The following VAC14 variants were observed in gnomAD, a reference collection of about 807,000 sequenced individuals.
The protein encoded by VAC14 is VAC14 component of PIKFYVE complex.
A neutral mutation model predicts 85.3 loss-of-function variants in VAC14; 47 were observed. The observed-to-expected ratio is 0.55, with a 90% CI of 0.44 to 0.70. The LOEUF (loss-of-function observed/expected upper bound fraction) is 0.70. VAC14 is among the 30% of genes least tolerant of loss of function. The pLI is 0.00. For missense variants in VAC14, 861 were observed against 1,004.3 expected (o/e 0.86, Z 1.93); for synonymous variants, 447 against 430.5 (o/e 1.04, Z -0.47).
At chr16:70,713,699 CTTTGTT>C (rs1262106270) in intron 14 of VAC14, among the ~76,000 whole-genome samples, 2 of 140,676 alleles carry the variant, frequency 1.4e-5, no homozygotes, top group East Asian at 3.9e-4. Context: ...TCAGGAGCAT[CTTTGTT>C]TTTGTTTTTT....
At chr16:70,784,065 G>A (rs2033937264) in intron 5 of VAC14, 48 bp downstream of exon 5, 9 of 1,545,238 alleles carry the variant, frequency 5.8e-6, no homozygotes, top group African/African-American at 2.7e-5. Flanking sequence ...CTAGAGAGCA[G>A]ATTTTCCAAA....
chr16:70,720,671 G>C (rs1161873650), intron 14 of VAC14, among the ~76,000 whole-genome samples: 1 of 152,220 alleles, frequency 6.6e-6, no homozygotes, highest in Non-Finnish European at 1.5e-5. Context: ...GAGGACACAG[G>C]TTTACTGATG....
chr16:70,765,832 A>C, intron 10 of VAC14, among the ~76,000 whole-genome samples: 1 of 152,082 alleles, frequency 6.6e-6, no homozygotes, highest in Admixed American at 6.5e-5. Flanking sequence ...CACATTTTTC[A>C]GTGTAATTTT....
intron 5 of VAC14, 28 bp downstream of exon 5, chr16:70,784,085 G>T: frequency 6.3e-7 from 1 of 1,597,512 alleles, no homozygotes; most frequent in Non-Finnish European, 8.6e-7. Context: ...ACTGGAGGCT[G>T]GAGAAACGGT....
chr16:70,722,794 TACTG>T (rs2054327600), intron 14 of VAC14, among the ~76,000 whole-genome samples: 1 of 152,158 alleles, frequency 6.6e-6, no homozygotes, highest in Non-Finnish European at 1.5e-5. Flanking sequence ...TTTTTAATGA[TACTG>T]ACTGACTGCG....
chr16:70,712,785 T>A (rs184783846), intron 14 of VAC14, among the ~76,000 whole-genome samples: 3 of 152,354 alleles, frequency 2.0e-5, no homozygotes, highest in Admixed American at 6.5e-5. Flanking sequence ...TCAGTTTTTA[T>A]TGTATGTGGT....
chr16:70,688,069 G>T lies in VAC14; in HGVS notation c.2208C>A (p.Pro736=). The T allele has an allele frequency of 6.3e-7, 1 of 1,592,030 alleles. No homozygotes were observed. Among genetic ancestry groups the T allele is most frequent in the Non-Finnish European group, 8.6e-7 (1 of 1,166,900 alleles). ...LQTEDSLKAA[P]KSQKADSPSI... is the part of the protein sequence containing the mutation. ...TAGGGGAGTCAGCTTTCTGGGACTT[G>T]GGGGCTGCCTTTAGACTGTCTCTGG... Residue 736 remains proline, a synonymous_variant, in exon 19 of 19, where the codon CCC becomes CCA. Coordinates refer to ENST00000261776, the MANE Select transcript of VAC14 (RefSeq NM_018052.5).
chr16:70,766,826 G>C (rs1362861003), intron 10 of VAC14, among the ~76,000 whole-genome samples: 3 of 152,114 alleles, frequency 2.0e-5, no homozygotes. Flanking sequence ...GGGCAGGGTT[G>C]GCTGCTGCTG....
At chr16:70,785,430 G>C (rs191610622) in intron 3 of VAC14, among the ~76,000 whole-genome samples, 17 of 152,366 alleles carry the variant, frequency 1.1e-4, no homozygotes, top group Admixed American at 1.1e-3. Flanking sequence ...AGGGAGGCGA[G>C]TGTTTCACAG....
At chr16:70,763,783 C>T (rs562493496) in intron 10 of VAC14, among the ~76,000 whole-genome samples, 3 of 152,190 alleles carry the variant, frequency 2.0e-5, no homozygotes, top group Non-Finnish European at 2.9e-5. Context: ...TGAAGTCCTG[C>T]GGGTCCCCAA....
In VAC14 at chr16:70,744,407, T is replaced by G; in HGVS notation, c.1528+16A>C. The G allele has an allele frequency of 6.2e-7, 1 of 1,613,856 alleles. No individual in the cohort carries two copies. Among genetic ancestry groups the G allele is most frequent in the Middle Eastern group, 1.7e-4 (1 of 6,054 alleles). On this transcript the variant is annotated intron_variant, in intron 13 of 18. Coordinates refer to ENST00000261776, the MANE Select transcript of VAC14 (RefSeq NM_018052.5). ...ACTAAGGCCCCTGAGGCTAGAACCT[T>G]CAGGAGAAGACTTACCAGAGGTGTT...
In VAC14 at chr16:70,714,711, T is replaced by C. The variant is rs117042398; in HGVS notation, c.1662-15900A>G. ...TGCGGTGTCGAGATGGTTTTAAACT[T>C]AGTCCAGATTATCTGCTTAAACTGC... On this transcript the variant is annotated intron_variant, in intron 14 of 18. Coordinates refer to ENST00000261776, the MANE Select transcript of VAC14 (RefSeq NM_018052.5). The C allele has an allele frequency of 6.3e-3, 956 of 152,364 alleles. 5 individuals carry two copies. The highest frequency in any genetic ancestry group is 0.01 in the Non-Finnish European group (707 of 68,044). The allele number at this position is 152,364 out of a possible 1,614,324, so 9.4% of individuals were successfully genotyped here. A position where few individuals can be genotyped will look rare whatever the true frequency, so the allele number is the denominator to read the frequency against.
At chr16:70,781,790 A>C in intron 8 of VAC14, 79 bp downstream of exon 8, 4 of 1,553,952 alleles carry the variant, frequency 2.6e-6, no homozygotes, top group Non-Finnish European at 3.5e-6. Context: ...GAGAGCCCCC[A>C]GCCCCCAGTG....
intron 12 of VAC14, among the ~76,000 whole-genome samples, chr16:70,745,258 G>A (rs1597923999): frequency 6.6e-6 from 1 of 152,330 alleles, no homozygotes; most frequent in East Asian, 1.9e-4. Context: ...GAGGCAGAGT[G>A]GGGCGTGGGA....
At position 70,786,271 on chromosome 16, in the gene VAC14, G is replaced by C. The variant is rs897045547; in HGVS notation, c.199C>G (p.His67Asp). 6.2e-7 allele frequency: 1 copy of C among 1,614,248 alleles called. No individual in the cohort carries two copies. The highest frequency in any genetic ancestry group is 8.5e-7 in the Non-Finnish European group (1 of 1,180,044). Residue 67 changes from histidine to aspartate, a missense_variant, in exon 2 of 19, where the codon CAC becomes GAC. His to Asp is a moderately conservative substitution (Grantham distance 81). Transcript: ENST00000261776. ...SQEFALSQHP[H>D]SRKGGLIGLA... Reference sequence around the variant, plus strand: ...CCGATGAGGCCCCCTTTCCGGCTGTGGGGGTGCTGAGACAGGGCAAACTCC... The same window carrying C: ...CCGATGAGGCCCCCTTTCCGGCTGTCGGGGTGCTGAGACAGGGCAAACTCC...
At chr16:70,793,638 C>A (rs931713923) in intron 1 of VAC14, among the ~76,000 whole-genome samples, 4 of 152,190 alleles carry the variant, frequency 2.6e-5, no homozygotes, top group Non-Finnish European at 4.4e-5. Flanking sequence ...TATGTCCCAA[C>A]CTCTGTCCTA....
chr16:70,692,874 C>G lies in VAC14; in HGVS notation c.2133G>C (p.Gln711His). Residue 711 changes from glutamine (Q) to histidine (H), a missense_variant, in exon 18 of 19, where the codon CAG becomes CAC. By Grantham distance (24) the Gln-to-His change is conservative (BLOSUM62 0). Around this residue, in one of 3 missense-constraint regions of VAC14, gnomAD observed 163 missense variants for 162.2 expected, o/e 1.00. Coordinates refer to ENST00000261776, the MANE Select transcript of VAC14 (RefSeq NM_018052.5). ...LMLLPQSSAF[Q>H]LLSHRLQCVP... Reference sequence around the variant, plus strand: ...CGCACTGGAGCCGGTGCGAGAGCAGCTGGAAGGCGCTGCTCTGCGGCAGGA... The same window carrying G: ...CGCACTGGAGCCGGTGCGAGAGCAGGTGGAAGGCGCTGCTCTGCGGCAGGA... The G allele has an allele frequency of 6.2e-7, 1 of 1,606,680 alleles. No homozygotes were observed. Among genetic ancestry groups the G allele is most frequent in the Non-Finnish European group, 8.5e-7 (1 of 1,177,938 alleles).
Position 70,783,086 on chromosome 16 carries a change from C to T in VAC14, c.758G>A (p.Ser253Asn), listed in dbSNP as rs149251040. Residue 253 changes from serine to asparagine, a missense_variant, in exon 7 of 19, where the codon AGT becomes AAT. Coordinates refer to ENST00000261776, the MANE Select transcript of VAC14 (RefSeq NM_018052.5). ...FLKEIKKNPS[S>N]VKFAEMANIL... ...GTTGGCCATCTCAGCAAACTTCACA[C>T]TGGAGGGGTTCTTCTTAATTTCTTT... The T allele has an allele frequency of 1.8e-4, 297 of 1,614,204 alleles. 1 individual carries two copies. Among genetic ancestry groups the T allele is most frequent in the South Asian group, 1.8e-3 (164 of 91,088 alleles).
At chr16:70,722,914 T>C (rs1476814141) in intron 14 of VAC14, among the ~76,000 whole-genome samples, 2 of 152,074 alleles carry the variant, frequency 1.3e-5, no homozygotes, top group Admixed American at 1.3e-4. Flanking sequence ...ACCCCATCTC[T>C]ACAACAAAAT....
Sources: allele counts gnomAD v4.1 joint callset (sites outside exome capture counted in the v4.1 genomes callset), GRCh38; gene constraint gnomAD v4.1.1; regional missense constraint gnomAD v4.1.1; transcripts MANE v1.5; gene names NCBI Gene and HGNC (gene_info 2026-07-23, HGNC 2026-07-21).